Variants in FLT1 observed in about 807,000 individuals in gnomAD.
The protein encoded by FLT1 is vascular endothelial growth factor receptor 1.
In FLT1, 49 loss-of-function variants were observed where a neutral mutation model predicts 156.3. The observed-to-expected ratio is 0.31, with a 90% confidence interval of 0.25 to 0.40. FLT1 has a LOEUF of 0.40. FLT1 is among the 10% of genes least tolerant of loss of function. FLT1 has a pLI of 1.00. For synonymous variants in FLT1, 594 were observed against 583.8 expected (o/e 1.02, Z -0.25); for missense variants, 1,322 against 1,637.2 (o/e 0.81, Z 3.32).
intron 12 of FLT1, among the ~76,000 whole-genome samples, chr13:28,394,360 A>G (rs1178678496): frequency 2.0e-5 from 3 of 152,152 alleles, no homozygotes; most frequent in Non-Finnish European, 2.9e-5. Flanking sequence ...CTCATTTTGT[A>G]TGGATAAGCC....
chr13:28,415,681 C>A (rs1206313994), intron 10 of FLT1, among the ~76,000 whole-genome samples: 1 of 152,086 alleles, frequency 6.6e-6, no homozygotes, highest in Non-Finnish European at 1.5e-5. Context: ...TGAGCACAGG[C>A]AAGTAAAATG....
chr13:28,340,973 C>T (rs2138853886), intron 16 of FLT1, among the ~76,000 whole-genome samples: 1 of 152,250 alleles, frequency 6.6e-6, no homozygotes, highest in South Asian at 2.1e-4. Flanking sequence ...ATTAGAGAAA[C>T]TGCTGTAGTA....
chr13:28,319,586 T>C (rs1871356471), intron 23 of FLT1, 52 bp from the exon 24 acceptor site: 1 of 1,085,530 alleles, frequency 9.2e-7, no homozygotes, highest in Non-Finnish European at 1.4e-6. Flanking sequence ...ACAAAGCACA[T>C]TCAACCCGAG....
At chr13:28,412,379 T>TC in intron 10 of FLT1, among the ~76,000 whole-genome samples, 2 of 135,640 alleles carry the variant, frequency 1.5e-5, no homozygotes, top group African/African-American at 5.3e-5. Context: ...TTTCTTTCTT[T>TC]CTTTCTTTCT....
rs1872225096 is a variant in FLT1 at position 28,339,023 on chromosome 13, T to C, written c.2488+145A>G. 4 of 685,848 alleles carry C rather than the reference T, an allele frequency of 5.8e-6. No individual in the cohort carries two copies. The Admixed American group carries it at 1.1e-4, about 18-fold the overall frequency. 42.5% of individuals were successfully genotyped at this position (685,848 alleles called of 1,614,324 possible). ...AGCATTGCATTGGAATTATTTACTTTTGTGTCCATCTCCCTTGCTAGTCTG... is the reference window on the plus strand; with the variant it reads ...AGCATTGCATTGGAATTATTTACTTCTGTGTCCATCTCCCTTGCTAGTCTG... On this transcript the variant is annotated intron_variant, in intron 17 of 29. Coordinates refer to ENST00000282397, the MANE Select transcript of FLT1 (RefSeq NM_002019.4).
At chr13:28,310,530 T>C (rs773868814) in intron 27 of FLT1, among the ~76,000 whole-genome samples, 5 of 152,196 alleles carry the variant, frequency 3.3e-5, no homozygotes, top group Non-Finnish European at 5.9e-5. Context: ...GCCTAGCACC[T>C]TGCCAGACCC....
In FLT1 at chr13:28,415,899, AT is replaced by A. The variant is rs1876619222; in HGVS notation, c.1437-10006del. Among the ~76,000 whole-genome samples the A allele has an allele frequency of 2.6e-5, 4 of 152,300 alleles. No homozygotes were observed. The South Asian group carries it at 8.3e-4, about 32-fold the overall frequency. On this transcript the variant is annotated intron_variant, in intron 10 of 29. Transcript: ENST00000282397. ...AGGACCTGTCCCAAGATGCAAATAT[AT>A]TTCCTGGGAGAACATTAACCTAATA...
rs746092797 is a variant in FLT1, at chr13:28,466,959, G to A, written c.332C>T (p.Ala111Val). 2 of 1,613,956 alleles carry A rather than the reference G, an allele frequency of 1.2e-6. No homozygotes were observed. The change falls in exon 3 of 30, where the codon GCT becomes GTT. Residue 111 changes from alanine to valine, a missense_variant. By Grantham distance (64) the Ala-to-Val change is moderately conservative. Transcript: ENST00000282397. ...TTCCTTCTTCTTTGAAGTAGGTACA[G>A]CTAGATATTTGCAGCTGTAGAAGCC... ...HTGFYSCKYLAVPTSKKKETE... is the reference protein window; with the variant it reads ...HTGFYSCKYLVVPTSKKKETE...
rs200028208 is a variant in FLT1, at chr13:28,319,491, T to C, written c.3218A>G (p.Asp1073Gly). ...LKWMAPESIF[D>G]KIYSTKSDVW... The stretch of plus-strand genomic sequence containing the variant: ...GTCGCTCTTGGTGCTGTAGATTTTG[T>C]CAAAGATAGATTCAGGAGCCATCCA... Residue 1073 changes from aspartate to glycine, a missense_variant, in exon 24 of 30, where the codon GAC (aspartate) becomes GGC (glycine). Physicochemically the swap from Asp to Gly is moderately conservative, Grantham distance 94. Around this residue, in one of 3 missense-constraint regions of FLT1, gnomAD observed 329 missense variants for 366.2 expected, o/e 0.90. Transcript: ENST00000282397. 1 of 1,614,058 alleles carries C rather than the reference T, an allele frequency of 6.2e-7. No individual in the cohort carries two copies. Among genetic ancestry groups the C allele is most frequent in the Non-Finnish European group, 8.5e-7 (1 of 1,179,968 alleles).
chr13:28,398,937 C>T (rs1329180805), intron 11 of FLT1: 1 of 774,198 alleles, frequency 1.3e-6, no homozygotes, highest in African/African-American at 1.7e-5. Context: ...CGAAAGAGAG[C>T]TCAGGTGTCC....
At position 28,330,878 on chromosome 13, in the gene FLT1, T is replaced by C. The variant is rs372058745; in HGVS notation, c.2594-1150A>G. Reference sequence around the variant, plus strand: ...ACAGGTGTGTGCCACAATGCTTGGCTAATTTTTGTATTTTTAGTAGAGACA... The same window carrying C: ...ACAGGTGTGTGCCACAATGCTTGGCCAATTTTTGTATTTTTAGTAGAGACA... On this transcript the variant is annotated intron_variant, in intron 18 of 29. Transcript: ENST00000282397. 7.2e-5 allele frequency among the ~76,000 whole-genome samples: 11 copies of C among 152,104 alleles called. No homozygotes were observed. In the East Asian group the frequency reaches 1.2e-3, roughly 16 times the overall value.
chr13:28,443,958 G>A (rs1260550039), intron 3 of FLT1, among the ~76,000 whole-genome samples: 1 of 152,172 alleles, frequency 6.6e-6, no homozygotes, highest in South Asian at 2.1e-4. Flanking sequence ...TGAGGAAATG[G>A]TTAGTGAAGA....
At chr13:28,319,311 T>C (rs1173232914) in intron 24 of FLT1, 112 bp downstream of exon 24, 2 of 738,648 alleles carry the variant, frequency 2.7e-6, no homozygotes, top group African/African-American at 1.7e-5. Flanking sequence ...ACTTTAAGAG[T>C]TTTTTGTTAC....
chr13:28,380,390 T>C (rs1874026063), intron 14 of FLT1, among the ~76,000 whole-genome samples: 2 of 152,184 alleles, frequency 1.3e-5, no homozygotes, highest in African/African-American at 4.8e-5. Context: ...GCTCCTGAAA[T>C]GGGAATATTA....
intron 27 of FLT1, among the ~76,000 whole-genome samples, chr13:28,309,448 A>G (rs1053028401): frequency 6.6e-6 from 1 of 152,154 alleles, no homozygotes; most frequent in African/African-American, 2.4e-5. Context: ...TGTCTCTATA[A>G]CTACCTACTG....
At chr13:28,344,850 G>A (rs1872506039) in intron 16 of FLT1, among the ~76,000 whole-genome samples, 1 of 129,332 alleles carries the variant, frequency 7.7e-6, no homozygotes, top group Non-Finnish European at 1.6e-5. Flanking sequence ...CTGTCGCTCA[G>A]GCTGAAGTGC....
At chr13:28,432,669 T>C (rs552422878) in intron 6 of FLT1, among the ~76,000 whole-genome samples, 16 of 152,350 alleles carry the variant, frequency 1.1e-4, no homozygotes, top group Admixed American at 2.6e-4. Flanking sequence ...GGCACAGTAC[T>C]GGAGCACAAA....
intron 3 of FLT1, among the ~76,000 whole-genome samples, chr13:28,443,421 AG>A (rs1403903190): frequency 2.0e-5 from 3 of 152,188 alleles, no homozygotes; most frequent in South Asian, 2.1e-4. Context: ...ATCACCTGGG[AG>A]CTCTGCTGTG....
At chr13:28,389,465 AAC>A (rs2137458197) in intron 13 of FLT1, 1 of 1,328,034 alleles carries the variant, frequency 7.5e-7, no homozygotes, top group African/African-American at 1.5e-5. Context: ...AAGAGCAACA[AAC>A]ACAGAGAAGG....
Sources: gnomAD v4.1 joint callset for allele counts (sites outside exome capture counted in the v4.1 genomes callset) on GRCh38, gnomAD v4.1.1 for gene constraint, gnomAD v4.1.1 regional missense constraint, MANE v1.5 for transcripts, NCBI Gene and HGNC (gene_info 2026-07-23, HGNC 2026-07-21) for gene names.